Variants in CMIP observed in about 807,000 individuals in gnomAD.
CMIP encodes the protein c-Maf inducing protein, also known as C-Maf-inducing protein.
A neutral mutation model predicts 97.3 loss-of-function variants in CMIP; 13 were observed. The ratio of observed to expected loss-of-function variants is 0.13; its 90% CI spans 0.09 to 0.21. CMIP has a LOEUF of 0.21. Among genes scored for constraint, CMIP ranks in the 10% least tolerant of loss-of-function variants. CMIP has a pLI of 1.00. For synonymous variants in CMIP, 538 were observed against 436.3 expected (o/e 1.23, Z -2.91); for missense variants, 847 against 1,024.9 (o/e 0.83, Z 2.37).
At chr16:81,571,425 G>A (rs925313229) in intron 1 of CMIP, among the ~76,000 whole-genome samples, 3 of 151,880 alleles carry the variant, frequency 2.0e-5, no homozygotes, top group Non-Finnish European at 2.9e-5. Context: ...CAGGGATCAC[G>A]TCACTGCATT....
At chr16:81,661,903 G>T (rs951513445) in intron 6 of CMIP, among the ~76,000 whole-genome samples, 1 of 152,074 alleles carries the variant, frequency 6.6e-6, no homozygotes, top group Admixed American at 6.5e-5. Context: ...GAGTGCCCAG[G>T]GTACCTGTCA....
intron 4 of CMIP, among the ~76,000 whole-genome samples, chr16:81,654,202 A>T (rs747212874): frequency 3.5e-4 from 53 of 151,254 alleles, no homozygotes; most frequent in Non-Finnish European, 7.2e-4. Flanking sequence ...TGACCGCATG[A>T]CTGTTGGCCT....
rs113029756 is a variant in CMIP, at chr16:81,670,370, C to G, written c.929+125C>G. On this transcript the variant is annotated intron_variant, in intron 8 of 20. Coordinates refer to ENST00000537098, the MANE Select transcript of CMIP (RefSeq NM_198390.3). Reference sequence around the variant, plus strand: ...GAAGACTCCCTCTATGAGGAAGCCCCTAGCCTACTGCACGGTGCCCGATAG... The same window carrying G: ...GAAGACTCCCTCTATGAGGAAGCCCGTAGCCTACTGCACGGTGCCCGATAG... 4,736 of 1,007,270 alleles carry G rather than the reference C, an allele frequency of 4.7e-3. 142 individuals are homozygous for G. The African/African-American group carries it at 0.068, about 14-fold the overall frequency. 62.4% of individuals were successfully genotyped at this position (1,007,270 alleles called of 1,614,324 possible).
At chr16:81,474,093 A>G (rs9925710) in intron 1 of CMIP, among the ~76,000 whole-genome samples, 2,621 of 152,028 alleles carry the variant, frequency 0.017, 69 homozygotes, top group African/African-American at 0.058. Context: ...GGCTGTGCCC[A>G]TGTTCCTGTG....
intron 1 of CMIP, among the ~76,000 whole-genome samples, chr16:81,602,505 A>G (rs1408368039): frequency 6.6e-6 from 1 of 152,224 alleles, no homozygotes. Flanking sequence ...AGTTCTGACA[A>G]ATGTATACAG....
chr16:81,524,535 C>T (rs1016873900), intron 1 of CMIP, among the ~76,000 whole-genome samples: 4 of 152,232 alleles, frequency 2.6e-5, no homozygotes, highest in Admixed American at 1.3e-4. Flanking sequence ...AAATGCTTAT[C>T]GCCAAGCCAG....
At chr16:81,611,713 C>G (rs1188418235) in intron 2 of CMIP, among the ~76,000 whole-genome samples, 3 of 152,208 alleles carry the variant, frequency 2.0e-5, no homozygotes. Context: ...TGTCTCTCCC[C>G]TCTTCTCTTC....
intron 18 of CMIP, among the ~76,000 whole-genome samples, chr16:81,704,579 A>C (rs1013226007): frequency 9.1e-3 from 1 of 110 alleles, no homozygotes; most frequent in Non-Finnish European, 0.016. Context: ...CCACCCACTC[A>C]CCCTCCTCCC....
At chr16:81,510,483 C>G (rs1056065227) in intron 1 of CMIP, among the ~76,000 whole-genome samples, 2 of 152,108 alleles carry the variant, frequency 1.3e-5, no homozygotes, top group Non-Finnish European at 2.9e-5. Context: ...TTGTTAGTAG[C>G]CCTGTTTAGG....
chr16:81,693,569 C>G, intron 13 of CMIP, 82 bp downstream of exon 13: 4 of 1,446,112 alleles, frequency 2.8e-6, no homozygotes, highest in Non-Finnish European at 3.7e-6. Flanking sequence ...CCTTCTGAAG[C>G]TTGTCACCAA....
intron 1 of CMIP, among the ~76,000 whole-genome samples, chr16:81,484,160 G>T (rs769125861): frequency 6.6e-5 from 10 of 152,030 alleles, no homozygotes; most frequent in Non-Finnish European, 1.3e-4. Flanking sequence ...ACCAACTCCA[G>T]GTCAGCTCAG....
chr16:81,678,415 T>C lies in CMIP; in HGVS notation c.1175T>C (p.Leu392Pro). ...SQEATLSEAR[L>P]KSVVVASSEI... The stretch of plus-strand genomic sequence containing the variant: ...GAAGCCACGCTGTCTGAGGCCCGGC[T>C]CAAGTCGGTGGTCGTGGCCTCCAGT... The change falls in exon 10 of 21, where the codon CTC becomes CCC. Residue 392 changes from leucine (L) to proline (P), a missense_variant. Transcript: ENST00000537098. 6.3e-7 allele frequency: 1 copy of C among 1,599,922 alleles called. No individual in the cohort carries two copies. The highest frequency in any genetic ancestry group is 8.5e-7 in the Non-Finnish European group (1 of 1,173,988).
At chr16:81,450,856 G>T (rs1386508915) in intron 1 of CMIP, among the ~76,000 whole-genome samples, 2 of 152,114 alleles carry the variant, frequency 1.3e-5, no homozygotes, top group Non-Finnish European at 2.9e-5. Context: ...CTTACTCGAC[G>T]TCCACACAGC....
rs536572123 is a variant in CMIP, at chr16:81,709,939, G to T, written c.*140G>T. ...ATGGGGAGTCTTTCTGGGGGCGGAGGGGGGAGGGGGTGGGGAGGGGGCCCA... is the reference window on the plus strand; with the variant it reads ...ATGGGGAGTCTTTCTGGGGGCGGAGTGGGGAGGGGGTGGGGAGGGGGCCCA... On this transcript the variant is annotated 3_prime_UTR_variant, in exon 21 of 21. Coordinates refer to ENST00000537098, the MANE Select transcript of CMIP (RefSeq NM_198390.3). 13 of 623,876 alleles carry T rather than the reference G, an allele frequency of 2.1e-5. 1 individual carries two copies. The Middle Eastern group carries it at 1.3e-3, about 62-fold the overall frequency. 38.6% of individuals were successfully genotyped at this position (623,876 alleles called of 1,614,324 possible).
At chr16:81,503,358 C>T (rs574422610) in intron 1 of CMIP, among the ~76,000 whole-genome samples, 1 of 152,136 alleles carries the variant, frequency 6.6e-6, no homozygotes, top group African/African-American at 2.4e-5. Flanking sequence ...CAGTGGATCA[C>T]TGGGTCGCCT....
chr16:81,626,459 GTGTA>G (rs1567618190), intron 3 of CMIP, among the ~76,000 whole-genome samples: 1 of 132,532 alleles, frequency 7.5e-6, no homozygotes, highest in East Asian at 2.3e-4. Context: ...GAGTGTGTGT[GTGTA>G]TGTGTGGCAT....
At chr16:81,467,208 C>T (rs1255693262) in intron 1 of CMIP, among the ~76,000 whole-genome samples, 12 of 152,224 alleles carry the variant, frequency 7.9e-5, no homozygotes, top group Non-Finnish European at 1.8e-4. Context: ...CCCTAACACT[C>T]ACTCTGGGAC....
intron 10 of CMIP, among the ~76,000 whole-genome samples, chr16:81,688,904 C>T (rs139957801): frequency 0.22 from 33,516 of 152,094 alleles, 3,850 homozygotes; most frequent in Non-Finnish European, 0.25. Context: ...TGAGAACATG[C>T]GGTGTTCGTT....
rs1404536173 is a variant in CMIP, at chr16:81,614,425, C to T, written c.427-6451C>T. Among the ~76,000 whole-genome samples, 3 of 152,220 alleles carry T rather than the reference C, an allele frequency of 2.0e-5. No individual in the cohort carries two copies. On this transcript the variant is annotated intron_variant, in intron 2 of 20. Coordinates refer to ENST00000537098, the MANE Select transcript of CMIP (RefSeq NM_198390.3). This position sits in a 1 kb window ranked among gnomAD's most constrained non-coding sequence, Gnocchi z 5.3. ...GCCACGGGTCACTTCAGCATGACAT[C>T]AGCTCGTTGCATTGGCCTGTGTGCT...
Sources: allele counts gnomAD v4.1 joint callset (sites outside exome capture counted in the v4.1 genomes callset), GRCh38; gene constraint gnomAD v4.1.1; non-coding constraint Gnocchi (gnomAD v3.1); transcripts MANE v1.5; gene names NCBI Gene and HGNC (gene_info 2026-07-23, HGNC 2026-07-21).